The following AKAP12 variants were observed in gnomAD, a reference collection of about 807,000 sequenced individuals.
AKAP12 encodes A-kinase anchoring protein 12.
A neutral mutation model predicts 79.9 loss-of-function variants in AKAP12; 32 were observed. That is an observed-to-expected ratio of 0.40 (90% CI 0.30 to 0.54). The LOEUF is 0.54. Ranked by LOEUF, AKAP12 falls within the 20% of genes least tolerant of loss-of-function variation. The probability of loss-of-function intolerance (pLI) is 0.48; values close to 1 mark genes in which losing one functional copy is unlikely to be tolerated. For synonymous variants in AKAP12, 808 were observed against 857.0 expected, an observed-to-expected ratio of 0.94 and a Z score of 1.00; for missense variants, 2,074 against 2,177.0, an observed-to-expected ratio of 0.95 and a Z score of 0.94.
chr6:151,269,044 G>A (rs2114708944), intron 2 of AKAP12, among the ~76,000 whole-genome samples: 1 of 146,140 alleles, frequency 6.8e-6, no homozygotes, highest in Non-Finnish European at 1.5e-5. Flanking sequence ...CTTAAACCAG[G>A]TGTGAGAAAC....
rs55685824 is a variant in AKAP12, at chr6:151,312,793, C to CAAAAAAAAA, written c.319+6900_319+6908dup. Reference sequence around the variant, plus strand: ...GGCTACAAGAGGGAGACTCTGTCTCCAAAAAAAAAAAAAAAAAAGAATCAT... The same window carrying CAAAAAAAAA: ...GGCTACAAGAGGGAGACTCTGTCTCCAAAAAAAAAAAAAAAAAAAAAAAAAAAGAATCAT... On this transcript the variant is annotated intron_variant, in intron 3 of 4. Coordinates refer to ENST00000402676, the MANE Select transcript of AKAP12 (RefSeq NM_005100.4). Among the ~76,000 whole-genome samples the CAAAAAAAAA allele has an allele frequency of 2.7e-3, 199 of 72,938 alleles. 6 individuals carry two copies. Among genetic ancestry groups the CAAAAAAAAA allele is most frequent in the African/African-American group, 7.8e-3 (142 of 18,140 alleles). The allele number at this position is 72,938 out of a possible 152,430, so 47.9% of individuals were successfully genotyped here.
chr6:151,279,648 G>A (rs577382279), intron 2 of AKAP12, among the ~76,000 whole-genome samples: 3 of 151,954 alleles, frequency 2.0e-5, no homozygotes, highest in South Asian at 4.2e-4. Context: ...AACACTGCTC[G>A]GTGAGGCATT....
intron 3 of AKAP12, among the ~76,000 whole-genome samples, chr6:151,312,970 G>T (rs1338982841): frequency 1.3e-5 from 2 of 152,092 alleles, no homozygotes; most frequent in Non-Finnish European, 2.9e-5. Context: ...AATAAATGAA[G>T]ACACAGTTTT....
In AKAP12 at chr6:151,350,481, C is replaced by T. The variant is rs201933348; in HGVS notation, c.2090C>T (p.Ser697Phe). 2.4e-5 allele frequency: 39 copies of T among 1,613,970 alleles called. No individual in the cohort carries two copies. Among genetic ancestry groups the T allele is most frequent in the Non-Finnish European group, 1.0e-5 (12 of 1,180,030 alleles). The change falls in exon 4 of 5, where the codon TCT (serine) becomes TTT (phenylalanine). Residue 697 changes from serine to phenylalanine, a missense_variant. Transcript: ENST00000402676. The surrounding 1 kb of genome is among the most constrained non-coding windows in gnomAD (Gnocchi z 4.8). ...SSKKRARRGS[S>F]SDEEGGPKAM... ...AAGAAAAGAGCAAGGAGAGGGTCCT[C>T]TTCTGATGAGGAAGGGGGACCAAAA... is the stretch of plus-strand genomic sequence containing the variant.
chr6:151,296,910 A>G (rs539019681), intron 2 of AKAP12, among the ~76,000 whole-genome samples: 19 of 152,294 alleles, frequency 1.2e-4, no homozygotes, highest in African/African-American at 4.3e-4. Flanking sequence ...CTGGATCACC[A>G]GTGGAATAAT....
At chr6:151,300,819 T>A (rs560792433) in intron 2 of AKAP12, among the ~76,000 whole-genome samples, 2 of 152,154 alleles carry the variant, frequency 1.3e-5, no homozygotes, top group South Asian at 4.2e-4. Context: ...TTGAAAACAT[T>A]TAGGGTTTTG....
intron 2 of AKAP12, among the ~76,000 whole-genome samples, chr6:151,286,774 C>T (rs1002008870): frequency 2.0e-5 from 3 of 152,076 alleles, no homozygotes; most frequent in African/African-American, 7.2e-5. Context: ...GACTGAGTCC[C>T]GAATGTGGTC....
chr6:151,266,374 T>G (rs951289485), intron 2 of AKAP12, among the ~76,000 whole-genome samples: 1 of 152,290 alleles, frequency 6.6e-6, no homozygotes, highest in Non-Finnish European at 1.5e-5. Flanking sequence ...TGCCAGCATT[T>G]TGGTATAAAG....
At chr6:151,339,272 T>A (rs1777889660) in intron 3 of AKAP12, among the ~76,000 whole-genome samples, 1 of 152,236 alleles carries the variant, frequency 6.6e-6, no homozygotes, top group South Asian at 2.1e-4. Context: ...TAAAAGTGTA[T>A]GAAATTGACT....
In AKAP12 at chr6:151,352,442, A is replaced by G. The variant is rs146113958; in HGVS notation, c.4051A>G (p.Thr1351Ala). ...VEREKTEAEP[T>A]HVNEEKLEHE... ...AAGGGAGAAAACAGAAGCAGAGCCA[A>G]CCCATGTGAATGAAGAGAAGCTTGA... is the stretch of plus-strand genomic sequence containing the variant. The change falls in exon 4 of 5, where the codon ACC becomes GCC. Residue 1351 changes from threonine (T) to alanine (A), a missense_variant. By Grantham distance (58) the Thr-to-Ala change is moderately conservative. Coordinates refer to ENST00000402676, the MANE Select transcript of AKAP12 (RefSeq NM_005100.4). The G allele has an allele frequency of 9.7e-5, 156 of 1,614,184 alleles. 1 individual carries two copies. In the East Asian group the frequency reaches 1.8e-3, roughly 19 times the overall value.
At chr6:151,323,540 C>T (rs1027030722) in intron 3 of AKAP12, among the ~76,000 whole-genome samples, 10 of 144,418 alleles carry the variant, frequency 6.9e-5, no homozygotes, top group Non-Finnish European at 1.0e-4. Flanking sequence ...GTGACAAGAG[C>T]GAGACTCCAT....
intron 3 of AKAP12, among the ~76,000 whole-genome samples, chr6:151,346,318 A>C (rs535831385): frequency 6.6e-6 from 1 of 152,170 alleles, no homozygotes; most frequent in Admixed American, 6.5e-5. Context: ...GTAAACACTT[A>C]TATACACTTG....
intron 3 of AKAP12, among the ~76,000 whole-genome samples, chr6:151,338,367 T>C (rs1777866925): frequency 6.6e-6 from 1 of 152,204 alleles, no homozygotes; most frequent in South Asian, 2.1e-4. Context: ...TAGACTTTGA[T>C]ATGTTCAAAG....
chr6:151,354,017 T>C (rs1208451718), intron 4 of AKAP12, among the ~76,000 whole-genome samples: 1 of 152,180 alleles, frequency 6.6e-6, no homozygotes, highest in Non-Finnish European at 1.5e-5. Flanking sequence ...TAAAACGGCA[T>C]GTGTGTGTGC....
rs890818139 is a variant in AKAP12 at position 151,353,887 on chromosome 6, A to C, written c.*12+135A>C. 3 of 618,822 alleles carry C rather than the reference A, an allele frequency of 4.8e-6. No individual in the cohort carries two copies. The African/African-American group carries it at 5.5e-5, about 11-fold the overall frequency. 38.3% of individuals were successfully genotyped at this position (618,822 alleles called of 1,614,324 possible). A position where few individuals can be genotyped will look rare whatever the true frequency, so the allele number is the denominator to read the frequency against. ...CAGTTGAGGAAAATAACTATCAACT[A>C]GATTCAAAGATCTAGGATAGTTTCA... is the stretch of plus-strand genomic sequence containing the variant. On this transcript the variant is annotated intron_variant, in intron 4 of 4. Transcript: ENST00000402676.
intron 3 of AKAP12, among the ~76,000 whole-genome samples, chr6:151,315,080 C>G (rs1345433140): frequency 1.3e-5 from 2 of 151,928 alleles, no homozygotes; most frequent in South Asian, 2.1e-4. Context: ...GATTTAGGCC[C>G]TTTTCCTTGA....
rs141036488 is a variant in AKAP12, at chr6:151,287,632, C to T, written c.163-18115C>T. Among the ~76,000 whole-genome samples the T allele has an allele frequency of 2.9e-3, 446 of 152,320 alleles. 2 individuals are homozygous for T. Among genetic ancestry groups the T allele is most frequent in the African/African-American group, 0.01 (428 of 41,564 alleles). On this transcript the variant is annotated intron_variant, in intron 2 of 4. Transcript: ENST00000402676. ...ACCGTTGGTCGGAGTATAAATTAGT[C>T]AACCATTGTGGAAGACAGTGTGGCG...
chr6:151,303,580 AG>A (rs1194719292), intron 2 of AKAP12, among the ~76,000 whole-genome samples: 48 of 152,310 alleles, frequency 3.2e-4, no homozygotes, highest in African/African-American at 1.1e-3. Context: ...TTCAGCGTTC[AG>A]GGTCTAAGTC....
intron 2 of AKAP12, among the ~76,000 whole-genome samples, chr6:151,251,751 C>T (rs768700972): frequency 6.6e-6 from 1 of 152,190 alleles, no homozygotes; most frequent in Non-Finnish European, 1.5e-5. Context: ...AATCCCAATA[C>T]TTTGGGAGGC....
Sources: gnomAD v4.1 joint callset for allele counts (sites outside exome capture counted in the v4.1 genomes callset) on GRCh38, gnomAD v4.1.1 for gene constraint, Gnocchi (gnomAD v3.1) non-coding constraint, MANE v1.5 for transcripts, NCBI Gene and HGNC (gene_info 2026-07-23, HGNC 2026-07-21) for gene names.